NF2: variants seen among roughly 807,000 people sequenced by gnomAD.
The protein encoded by NF2 is NF2, moesin-ezrin-radixin like (MERLIN) tumor suppressor, also known as merlin.
NF2 carries 8 observed loss-of-function variants against 83.7 expected under a neutral mutation model. That is an observed-to-expected ratio of 0.10 (90% CI 0.06 to 0.17). The LOEUF is 0.17. Ranked by LOEUF, NF2 falls within the 10% of genes least tolerant of loss-of-function variation. NF2 has a pLI of 1.00. For missense variants in NF2, 533 were observed against 744.4 expected, an observed-to-expected ratio of 0.72 and a Z score of 3.31; for synonymous variants, 266 against 269.6, an observed-to-expected ratio of 0.99 and a Z score of 0.13.
At chr22:29,658,701 A>T (rs1409267151) in intron 7 of NF2, among the ~76,000 whole-genome samples, 1 of 132,944 alleles carries the variant, frequency 7.5e-6, no homozygotes, top group East Asian at 2.4e-4. Flanking sequence ...TGGGATTCTC[A>T]CTATGAGGCT....
chr22:29,651,024 A>G (rs2066133892), intron 4 of NF2, among the ~76,000 whole-genome samples: 1 of 152,192 alleles, frequency 6.6e-6, no homozygotes, highest in South Asian at 2.1e-4. Flanking sequence ...GACTTTTAGA[A>G]TGCGTTTACC....
At chr22:29,624,866 T>TC in intron 1 of NF2, among the ~76,000 whole-genome samples, 3 of 145,368 alleles carry the variant, frequency 2.1e-5, no homozygotes, top group Middle Eastern at 3.4e-3. Context: ...TCTTTCTTTC[T>TC]TTCTCTTTCT....
At chr22:29,686,156 C>T (rs919355601) in intron 15 of NF2, among the ~76,000 whole-genome samples, 2 of 152,150 alleles carry the variant, frequency 1.3e-5, no homozygotes, top group African/African-American at 4.8e-5. Context: ...AATGTGTGTG[C>T]AACACTCAGT....
intron 1 of NF2, among the ~76,000 whole-genome samples, chr22:29,610,927 T>C (rs1363749065): frequency 6.6e-6 from 1 of 152,006 alleles, no homozygotes; most frequent in East Asian, 1.9e-4. Context: ...TCAACAAAAA[T>C]ACTAGCAAAC....
chr22:29,673,786 T>C (rs1346229452), intron 12 of NF2, among the ~76,000 whole-genome samples: 1 of 152,156 alleles, frequency 6.6e-6, no homozygotes. Context: ...CCTGAGCATA[T>C]CCACAGACCG....
At chr22:29,608,538 G>A (rs1397072303) in intron 1 of NF2, among the ~76,000 whole-genome samples, 1 of 151,564 alleles carries the variant, frequency 6.6e-6, no homozygotes, top group African/African-American at 2.4e-5. Flanking sequence ...GCATGATGGC[G>A]GGTGCCTGTA....
At chr22:29,608,941 T>C in intron 1 of NF2, 1 of 592,642 alleles carries the variant, frequency 1.7e-6, no homozygotes, top group Non-Finnish European at 3.1e-6. Context: ...TCCTCAATGC[T>C]ACCTGGCCAA....
At position 29,676,285 on chromosome 22, in the gene NF2, C is replaced by T. The variant is rs373240571; in HGVS notation, c.1446+1344C>T. 8.7e-4 allele frequency among the ~76,000 whole-genome samples: 133 copies of T among 152,140 alleles called. 1 individual carries two copies. The South Asian group carries it at 0.023, about 27-fold the overall frequency. ...GCCTCATAGGCTCAAGCGATCTTCC[C>T]GCCCCAGTCTCCTGAGTAGCTGGGA... On this transcript the variant is annotated intron_variant, in intron 13 of 15. Transcript: ENST00000338641.
intron 1 of NF2, among the ~76,000 whole-genome samples, chr22:29,624,797 TCCTCTTTCTTTCTTTCTTTC>T (rs1461807460): frequency 6.8e-6 from 1 of 147,400 alleles, no homozygotes; most frequent in Non-Finnish European, 1.5e-5. Context: ...TGTTGAAGGG[TCCTCTTTCTTTCTTTCTTTC>T]TTTCTTTCTT....
chr22:29,611,606 C>T (rs894395481), intron 1 of NF2, among the ~76,000 whole-genome samples: 3 of 152,192 alleles, frequency 2.0e-5, no homozygotes, highest in African/African-American at 7.2e-5. Context: ...ACTTTCACTA[C>T]TGCTATTCAG....
rs1252256879 is a variant in NF2, at chr22:29,662,939, C to G, written c.810+1600C>G. Among the ~76,000 whole-genome samples, 3 of 152,204 alleles carry G rather than the reference C, an allele frequency of 2.0e-5. No individual in the cohort carries two copies. The East Asian group carries it at 5.8e-4, about 29-fold the overall frequency. Reference sequence around the variant, plus strand: ...ACAGCTTATGTTGCTGCCTGCAGAGCCCCAAACCTGAGCATATTTCCTGTT... The same window carrying G: ...ACAGCTTATGTTGCTGCCTGCAGAGGCCCAAACCTGAGCATATTTCCTGTT... On this transcript the variant is annotated intron_variant, in intron 8 of 15. Transcript: ENST00000338641.
At chr22:29,650,749 T>A (rs1449358335) in intron 4 of NF2, among the ~76,000 whole-genome samples, 1 of 151,630 alleles carries the variant, frequency 6.6e-6, no homozygotes, top group Non-Finnish European at 1.5e-5. Context: ...ACTATAGGCA[T>A]GCGCCACCAT....
intron 15 of NF2, among the ~76,000 whole-genome samples, chr22:29,682,703 C>T (rs149592756): frequency 1.1e-3 from 160 of 152,280 alleles, no homozygotes; most frequent in Middle Eastern, 3.4e-3. Context: ...AGAGGTAAAA[C>T]GATGGCTGAG....
intron 15 of NF2, among the ~76,000 whole-genome samples, chr22:29,685,600 A>G (rs573997176): frequency 6.9e-6 from 1 of 145,462 alleles, no homozygotes; most frequent in African/African-American, 2.6e-5. Flanking sequence ...TTTTGTAAAG[A>G]TGGGTTTCGC....
At chr22:29,617,090 G>A (rs967040155) in intron 1 of NF2, among the ~76,000 whole-genome samples, 4 of 151,980 alleles carry the variant, frequency 2.6e-5, no homozygotes, top group Non-Finnish European at 4.4e-5. Context: ...CACCATGCCC[G>A]GCTAATTTTT....
At chr22:29,665,472 G>T (rs2066595134) in intron 9 of NF2, among the ~76,000 whole-genome samples, 1 of 152,160 alleles carries the variant, frequency 6.6e-6, no homozygotes, top group African/African-American at 2.4e-5. Flanking sequence ...TCGAACTCCT[G>T]ACCTCAGGTG....
At chr22:29,687,044 T>C (rs747953010) in intron 15 of NF2, among the ~76,000 whole-genome samples, 12 of 152,158 alleles carry the variant, frequency 7.9e-5, no homozygotes, top group Non-Finnish European at 1.3e-4. Flanking sequence ...ACCTTGATGG[T>C]AGAATGCAGT....
chr22:29,607,101 G>T (rs2064817810), intron 1 of NF2, among the ~76,000 whole-genome samples: 1 of 152,072 alleles, frequency 6.6e-6, no homozygotes, highest in Non-Finnish European at 1.5e-5. Flanking sequence ...TCCTGTCCTG[G>T]TTGTATCATT....
At chr22:29,612,987 C>G (rs904381147) in intron 1 of NF2, among the ~76,000 whole-genome samples, 1 of 151,772 alleles carries the variant, frequency 6.6e-6, no homozygotes, top group Non-Finnish European at 1.5e-5. Flanking sequence ...CCCAGGTACT[C>G]GGGAGGCTGA....
Sources: gnomAD v4.1 joint callset for allele counts (sites outside exome capture counted in the v4.1 genomes callset) on GRCh38, gnomAD v4.1.1 for gene constraint, MANE v1.5 for transcripts, NCBI Gene and HGNC (gene_info 2026-07-23, HGNC 2026-07-21) for gene names.